KCNB2: variants seen among roughly 807,000 people sequenced by gnomAD.
KCNB2 encodes the protein delayed rectifier potassium channel protein.
In KCNB2, 15 loss-of-function variants were observed where a neutral mutation model predicts 61.5. That is an observed-to-expected ratio of 0.24 (90% CI 0.16 to 0.38). The LOEUF (loss-of-function observed/expected upper bound fraction) is 0.38. Ranked by LOEUF, KCNB2 falls within the 10% of genes least tolerant of loss-of-function variation. The probability of loss-of-function intolerance (pLI) is 1.00; values close to 1 mark genes in which losing one functional copy is unlikely to be tolerated. For synonymous variants in KCNB2, 457 were observed against 446.0 expected (o/e 1.02, Z -0.31); for missense variants, 828 against 1,125.2 (o/e 0.74, Z 3.78).
intron 2 of KCNB2, among the ~76,000 whole-genome samples, chr8:72,846,016 C>T (rs1048914261): frequency 6.6e-6 from 1 of 151,144 alleles, no homozygotes; most frequent in Non-Finnish European, 1.5e-5. Flanking sequence ...TGGCAGCTAG[C>T]TTGGTGTCTG....
chr8:72,793,585 T>TA (rs984870289), intron 2 of KCNB2, among the ~76,000 whole-genome samples: 25 of 151,486 alleles, frequency 1.7e-4, no homozygotes, highest in East Asian at 5.8e-4. Context: ...CAGATCTCTT[T>TA]AAAAAAAAAT....
At chr8:72,626,674 T>C (rs1805794951) in intron 2 of KCNB2, among the ~76,000 whole-genome samples, 1 of 152,216 alleles carries the variant, frequency 6.6e-6, no homozygotes, top group Non-Finnish European at 1.5e-5. Context: ...CTAAGACACA[T>C]ACGCAAGATC....
At chr8:72,705,293 T>A (rs1377574609) in intron 2 of KCNB2, among the ~76,000 whole-genome samples, 2 of 152,232 alleles carry the variant, frequency 1.3e-5, no homozygotes. Flanking sequence ...CTCTGTTGCA[T>A]ACAGGCTTAA....
chr8:72,890,516 G>A (rs966661980), intron 2 of KCNB2, among the ~76,000 whole-genome samples: 3 of 152,178 alleles, frequency 2.0e-5, no homozygotes, highest in African/African-American at 7.2e-5. Context: ...GTGAGGCTCA[G>A]GTCCCTTCCC....
At chr8:72,553,541 A>G (rs939640643) in intron 1 of KCNB2, among the ~76,000 whole-genome samples, 2 of 152,200 alleles carry the variant, frequency 1.3e-5, no homozygotes, top group Non-Finnish European at 2.9e-5. Flanking sequence ...TAATCAGGTT[A>G]TCATTAAATA....
chr8:72,589,548 A>G (rs1414748652), intron 2 of KCNB2, among the ~76,000 whole-genome samples: 2 of 152,130 alleles, frequency 1.3e-5, no homozygotes, highest in Admixed American at 6.6e-5. Flanking sequence ...GGGATACTCT[A>G]CTTCCTGCCA....
chr8:72,893,260 C>T (rs142580845), intron 2 of KCNB2, among the ~76,000 whole-genome samples: 2 of 152,202 alleles, frequency 1.3e-5, no homozygotes, highest in East Asian at 3.9e-4. Flanking sequence ...ATGATAAATA[C>T]ATTTCATGTC....
At position 72,938,042 on chromosome 8, in the gene KCNB2, C is replaced by G; in HGVS notation, c.2687C>G (p.Ser896Cys). The G allele has an allele frequency of 6.2e-7, 1 of 1,613,876 alleles. No homozygotes were observed. The highest frequency in any genetic ancestry group is 8.5e-7 in the Non-Finnish European group (1 of 1,179,866). ...ENHLFAPEIH[S>C]NPGDTGYCPT... is the part of the protein sequence containing the mutation. Reference sequence around the variant, plus strand: ...CACTTGTTTGCCCCAGAAATTCATTCCAACCCAGGAGACACAGGTTATTGT... The same window carrying G: ...CACTTGTTTGCCCCAGAAATTCATTGCAACCCAGGAGACACAGGTTATTGT... The change falls in exon 3 of 3, where the codon TCC (serine) becomes TGC (cysteine). Residue 896 changes from serine to cysteine, a missense_variant. This residue lies in a region of KCNB2 where 559 missense variants were observed against 588.4 expected (regional missense o/e 0.95). Coordinates refer to ENST00000523207, the MANE Select transcript of KCNB2 (RefSeq NM_004770.3).
At chr8:72,748,303 G>A (rs1808115892) in intron 2 of KCNB2, among the ~76,000 whole-genome samples, 1 of 152,054 alleles carries the variant, frequency 6.6e-6, no homozygotes, top group South Asian at 2.1e-4. Context: ...AGTAAATGTA[G>A]CCTCTAAGAT....
chr8:72,757,536 G>T (rs1176543806), intron 2 of KCNB2, among the ~76,000 whole-genome samples: 5 of 152,060 alleles, frequency 3.3e-5, no homozygotes, highest in Non-Finnish European at 7.4e-5. Flanking sequence ...CCAAGAGAGA[G>T]ATGGGTAATT....
At chr8:72,652,741 T>C (rs1806232120) in intron 2 of KCNB2, among the ~76,000 whole-genome samples, 1 of 152,154 alleles carries the variant, frequency 6.6e-6, no homozygotes, top group South Asian at 2.1e-4. Flanking sequence ...ATTTTGACTC[T>C]GTTCATTTGG....
At chr8:72,752,190 A>G (rs1808201675) in intron 2 of KCNB2, among the ~76,000 whole-genome samples, 1 of 152,196 alleles carries the variant, frequency 6.6e-6, no homozygotes, top group Non-Finnish European at 1.5e-5. Context: ...AGTTAAATAG[A>G]CAAGTGTGAA....
intron 2 of KCNB2, among the ~76,000 whole-genome samples, chr8:72,688,079 C>G (rs951273177): frequency 1.3e-5 from 2 of 152,110 alleles, no homozygotes; most frequent in African/African-American, 4.8e-5. Context: ...GAGGCAGGGC[C>G]CTGAGCGTTC....
intron 2 of KCNB2, among the ~76,000 whole-genome samples, chr8:72,625,915 A>G (rs1038972101): frequency 6.6e-6 from 1 of 152,198 alleles, no homozygotes; most frequent in Admixed American, 6.5e-5. Context: ...ATAATGCAAT[A>G]GTGAGATACA....
At chr8:72,672,444 A>G (rs1481525434) in intron 2 of KCNB2, among the ~76,000 whole-genome samples, 5 of 152,142 alleles carry the variant, frequency 3.3e-5, no homozygotes, top group Non-Finnish European at 7.4e-5. Context: ...TGAATTATGG[A>G]TGGTTTCATA....
chr8:72,604,828 T>C (rs761510706), intron 2 of KCNB2, among the ~76,000 whole-genome samples: 4 of 152,224 alleles, frequency 2.6e-5, no homozygotes, highest in Non-Finnish European at 5.9e-5. Flanking sequence ...AAGCACATGA[T>C]TTTTTAAAAA....
intron 2 of KCNB2, among the ~76,000 whole-genome samples, chr8:72,804,005 A>G (rs1809170692): frequency 6.6e-6 from 1 of 152,186 alleles, no homozygotes; most frequent in Non-Finnish European, 1.5e-5. Flanking sequence ...AGCATGCCAG[A>G]ATGAACGCAC....
intron 2 of KCNB2, among the ~76,000 whole-genome samples, chr8:72,848,199 G>A (rs2129003104): frequency 6.6e-6 from 1 of 152,212 alleles, no homozygotes; most frequent in African/African-American, 2.4e-5. Flanking sequence ...AATCATAATA[G>A]GTCATAAAGT....
chr8:72,822,212 T>C (rs1477521547), intron 2 of KCNB2, among the ~76,000 whole-genome samples: 1 of 152,246 alleles, frequency 6.6e-6, no homozygotes, highest in African/African-American at 2.4e-5. Context: ...ACTGATATTT[T>C]TGCCTTTATG....
Sources: gnomAD v4.1 joint callset for allele counts (sites outside exome capture counted in the v4.1 genomes callset) on GRCh38, gnomAD v4.1.1 for gene constraint, gnomAD v4.1.1 regional missense constraint, MANE v1.5 for transcripts, NCBI Gene and HGNC (gene_info 2026-07-23, HGNC 2026-07-21) for gene names.